BRAF: variants seen among roughly 807,000 people sequenced by gnomAD.
The protein encoded by BRAF is B-Raf proto-oncogene, serine/threonine kinase.
BRAF carries 16 observed loss-of-function variants against 104.6 expected under a neutral mutation model. The ratio of observed to expected loss-of-function variants is 0.15; its 90% CI spans 0.10 to 0.23. The LOEUF (loss-of-function observed/expected upper bound fraction) is 0.23. Ranked by LOEUF, BRAF falls within the 10% of genes least tolerant of loss-of-function variation. The pLI is 1.00. For missense variants in BRAF, 541 were observed against 937.3 expected (o/e 0.58, Z 5.52); for synonymous variants, 310 against 341.6 (o/e 0.91, Z 1.02).
intron 2 of BRAF, among the ~76,000 whole-genome samples, chr7:140,844,420 G>A (rs919859269): frequency 4.6e-5 from 7 of 152,068 alleles, no homozygotes; most frequent in Non-Finnish European, 1.0e-4. Context: ...TCTGTTTTCT[G>A]CACTGTTTCT....
chr7:140,886,519 A>G (rs1052737925), intron 1 of BRAF, among the ~76,000 whole-genome samples: 3 of 152,210 alleles, frequency 2.0e-5, no homozygotes, highest in Non-Finnish European at 4.4e-5. Context: ...GCCATACTCA[A>G]TAAACTGAAC....
chr7:140,809,617 A>G (rs1181465089), intron 3 of BRAF, among the ~76,000 whole-genome samples: 1 of 152,208 alleles, frequency 6.6e-6, no homozygotes, highest in Non-Finnish European at 1.5e-5. Flanking sequence ...ACCCCCGGCA[A>G]GAGCAACTGG....
chr7:140,757,252 C>T (rs1428503514), intron 14 of BRAF, among the ~76,000 whole-genome samples: 2 of 151,996 alleles, frequency 1.3e-5, no homozygotes, highest in African/African-American at 2.4e-5. Flanking sequence ...AAAACATTTT[C>T]CCCATCTTAT....
intron 1 of BRAF, among the ~76,000 whole-genome samples, chr7:140,858,147 A>G (rs538415962): frequency 6.6e-6 from 1 of 152,320 alleles, no homozygotes; most frequent in South Asian, 2.1e-4. Context: ...ACATAGTGCC[A>G]AAGTATTTCG....
rs547693139 is a variant in BRAF, at chr7:140,800,428, G to A, written c.914C>T (p.Ala305Val). ...TGTTAGGGCAGTCTCTGCTAAGGAC[G>A]CCTCTTCCTGTGGTATTGGGTGGTG... ...FEHHPIPQEE[A>V]SLAETALTSG... is the part of the protein sequence containing the mutation. The change falls in exon 7 of 20, where the codon GCG becomes GTG. Residue 305 changes from alanine to valine, a missense_variant. Ala to Val is a moderately conservative substitution (Grantham distance 64). Transcript: ENST00000644969. The A allele has an allele frequency of 1.1e-5, 17 of 1,613,982 alleles. No homozygotes were observed. Among genetic ancestry groups the A allele is most frequent in the South Asian group, 5.5e-5 (5 of 91,084 alleles).
Position 140,783,011 on chromosome 7 carries a change from A to G in BRAF, c.1434+10T>C. 3.1e-6 allele frequency: 5 copies of G among 1,613,046 alleles called. No individual in the cohort carries two copies. The highest frequency in any genetic ancestry group is 1.8e-4 in the Middle Eastern group (1 of 5,476). ...GAATTCAGAGAAAAAAAGATATCAT[A>G]TACTCTTACCATTCGATTCCTGTCT... is the stretch of plus-strand genomic sequence containing the variant. On this transcript the variant is annotated intron_variant, in intron 11 of 19. Coordinates refer to ENST00000644969, the MANE Select transcript of BRAF (RefSeq NM_001374258.1).
rs549609189 is a variant in BRAF, at chr7:140,806,990, A to C, written c.711+970T>G. On this transcript the variant is annotated intron_variant, in intron 5 of 19. Transcript: ENST00000644969. ...TATCCACCTAGAAAAAACTCTGGCC[A>C]AAATTCCATACATAGAGAAAAGTAA... 8.9e-4 allele frequency among the ~76,000 whole-genome samples: 135 copies of C among 152,348 alleles called. 3 individuals carry two copies. In the South Asian group the frequency reaches 0.027, roughly 30 times the overall value.
intron 8 of BRAF, among the ~76,000 whole-genome samples, chr7:140,790,774 C>T (rs1420714136): frequency 6.6e-6 from 1 of 152,206 alleles, no homozygotes; most frequent in Non-Finnish European, 1.5e-5. Context: ...CCTTCTTCCT[C>T]TCCAGTTACA....
intron 1 of BRAF, among the ~76,000 whole-genome samples, chr7:140,892,427 T>C (rs17623382): frequency 1.3e-5 from 2 of 152,136 alleles, no homozygotes; most frequent in African/African-American, 4.8e-5. Context: ...TCCCTTAATA[T>C]GTAAAATACA....
At chr7:140,865,126 C>G (rs1296004943) in intron 1 of BRAF, among the ~76,000 whole-genome samples, 1 of 150,746 alleles carries the variant, frequency 6.6e-6, no homozygotes, top group Admixed American at 6.6e-5. Context: ...GTTGCCCAGG[C>G]CAGAGAGCAG....
chr7:140,783,211 T>C, intron 10 of BRAF, 54 bp from the exon 10 acceptor site: 1 of 1,597,786 alleles, frequency 6.3e-7, no homozygotes, highest in Non-Finnish European at 8.6e-7. Context: ...GTATGTTAAT[T>C]TATCAGGGGT....
At chr7:140,803,931 T>C (rs930083680) in intron 5 of BRAF, among the ~76,000 whole-genome samples, 18 of 152,266 alleles carry the variant, frequency 1.2e-4, no homozygotes, top group African/African-American at 3.8e-4. Context: ...GTCGCCCAGG[T>C]TGGAGTACAG....
intron 1 of BRAF, among the ~76,000 whole-genome samples, chr7:140,891,972 T>C (rs1183443026): frequency 1.3e-5 from 2 of 152,096 alleles, no homozygotes; most frequent in African/African-American, 4.8e-5. Context: ...TAGACAAAGG[T>C]AAGGCCAGGT....
intron 14 of BRAF, among the ~76,000 whole-genome samples, chr7:140,761,062 A>G (rs1344257102): frequency 1.3e-5 from 2 of 152,190 alleles, no homozygotes; most frequent in African/African-American, 4.8e-5. Flanking sequence ...CTCCTTGAGA[A>G]GAGCAACTCC....
intron 17 of BRAF, chr7:140,740,676 G>C (rs1796846895): frequency 6.6e-6 from 1 of 152,314 alleles, no homozygotes; most frequent in African/African-American, 2.4e-5. Context: ...AGGTGCAACA[G>C]GGGGAGAGTA....
At chr7:140,909,893 CATT>C (rs1252415597) in intron 1 of BRAF, among the ~76,000 whole-genome samples, 1 of 152,044 alleles carries the variant, frequency 6.6e-6, no homozygotes, top group Admixed American at 6.5e-5. Flanking sequence ...ATGCTCACAT[CATT>C]ATGATCACTT....
intron 17 of BRAF, among the ~76,000 whole-genome samples, chr7:140,742,033 G>A (rs915510888): frequency 3.9e-5 from 6 of 152,048 alleles, no homozygotes; most frequent in African/African-American, 1.2e-4. Context: ...GGACACAAGA[G>A]GTTTTCAATG....
intron 11 of BRAF, 78 bp downstream of exon 10, chr7:140,782,943 C>A: frequency 6.7e-7 from 1 of 1,501,200 alleles, no homozygotes; most frequent in Admixed American, 1.7e-5. Flanking sequence ...CATAATATAT[C>A]TAAAGGATAA....
intron 16 of BRAF, 40 bp from the exon 16 acceptor site, chr7:140,749,458 TGAATA>T (rs751978064): frequency 8.7e-6 from 14 of 1,606,330 alleles, no homozygotes; most frequent in Non-Finnish European, 1.1e-5. Flanking sequence ...TCACTTCAAT[TGAATA>T]AAGACTGAAA....
Sources: allele counts gnomAD v4.1 joint callset (sites outside exome capture counted in the v4.1 genomes callset), GRCh38; gene constraint gnomAD v4.1.1; transcripts MANE v1.5; gene names NCBI Gene and HGNC (gene_info 2026-07-23, HGNC 2026-07-21).